The following CDH8 variants were observed in gnomAD, a reference collection of about 807,000 sequenced individuals.
The protein encoded by CDH8 is cadherin-8.
Under a neutral mutation model 68.1 loss-of-function variants are expected in CDH8, and 17 were observed. That is an observed-to-expected ratio of 0.25 (90% CI 0.17 to 0.37). The LOEUF (loss-of-function observed/expected upper bound fraction) is 0.37. CDH8 is among the 10% of genes least tolerant of loss of function. The probability of loss-of-function intolerance (pLI) is 1.00; values close to 1 mark genes in which losing one functional copy is unlikely to be tolerated. For missense variants in CDH8, 763 were observed against 999.3 expected (o/e 0.76, Z 3.19); for synonymous variants, 372 against 365.1 (o/e 1.02, Z -0.21).
At chr16:61,851,337 G>A (rs1404143372) in intron 4 of CDH8, among the ~76,000 whole-genome samples, 5 of 151,706 alleles carry the variant, frequency 3.3e-5, no homozygotes, top group African/African-American at 1.2e-4. Context: ...AAGAAAAATG[G>A]TCTGAGTTTC....
Position 61,653,335 on chromosome 16 carries a change from T to G in CDH8, c.*273A>C. 1 of 1,220,668 alleles carries G rather than the reference T, an allele frequency of 8.2e-7. No homozygotes were observed. The highest frequency in any genetic ancestry group is 1.6e-5 in the African/African-American group (1 of 64,092). 75.6% of individuals were successfully genotyped at this position (1,220,668 alleles called of 1,614,324 possible). ...CTAAGGATTAGCCAGGATCCCAATC[T>G]TTGTCTGTGGTGGTCAGGTAAATAT... On this transcript the variant is annotated 3_prime_UTR_variant, in exon 12 of 12. Transcript: ENST00000577390.
At chr16:61,901,598 C>G (rs1963974656) in intron 2 of CDH8, 125 bp from the exon 3 acceptor site, 2 of 649,780 alleles carry the variant, frequency 3.1e-6, no homozygotes, top group Admixed American at 5.7e-5. Context: ...CTAATAGTAG[C>G]TGTACAAAGT....
rs1337819399 is a variant in CDH8 at position 61,706,558 on chromosome 16, C to A, written c.1654+7283G>T. 1.4e-4 allele frequency among the ~76,000 whole-genome samples: 20 copies of A among 145,518 alleles called. 2 individuals carry two copies. In the South Asian group the frequency reaches 3.9e-3, roughly 28 times the overall value. On this transcript the variant is annotated intron_variant, in intron 10 of 11. Transcript: ENST00000577390. The stretch of plus-strand genomic sequence containing the variant: ...ATGGCGTGAACGCCGGAAGCGGAGC[C>A]TGCAGTGAGCCGAGATCGCGCCACC...
intron 8 of CDH8, among the ~76,000 whole-genome samples, chr16:61,728,036 A>C (rs764711144): frequency 5.5e-4 from 83 of 151,144 alleles, no homozygotes; most frequent in South Asian, 1.9e-3. Context: ...TTTGACTTTG[A>C]CTGTACCATG....
chr16:61,731,351 C>A (rs1168364556), intron 8 of CDH8, among the ~76,000 whole-genome samples: 1 of 151,652 alleles, frequency 6.6e-6, no homozygotes, highest in Non-Finnish European at 1.5e-5. Flanking sequence ...GGAATCATTT[C>A]TTTAACAGAG....
At chr16:61,813,616 C>A (rs1221320459) in intron 7 of CDH8, among the ~76,000 whole-genome samples, 2 of 152,022 alleles carry the variant, frequency 1.3e-5, no homozygotes, top group African/African-American at 2.4e-5. Context: ...GTGTCCTAGC[C>A]GGGAGGATTC....
chr16:61,835,535 A>G (rs1451139203), intron 4 of CDH8, among the ~76,000 whole-genome samples: 1 of 151,908 alleles, frequency 6.6e-6, no homozygotes, highest in Non-Finnish European at 1.5e-5. Context: ...CATTTCCAGT[A>G]CCAACATATG....
intron 10 of CDH8, among the ~76,000 whole-genome samples, chr16:61,671,507 A>G (rs1963794787): frequency 6.6e-6 from 1 of 152,020 alleles, no homozygotes; most frequent in African/African-American, 2.4e-5. Context: ...GTGGTATCCT[A>G]CAGTGAGCTA....
At chr16:61,922,300 T>C (rs1964382660) in intron 2 of CDH8, among the ~76,000 whole-genome samples, 2 of 152,176 alleles carry the variant, frequency 1.3e-5, no homozygotes, top group Non-Finnish European at 2.9e-5. Flanking sequence ...CATGCAAATT[T>C]TGTGTAAAAA....
intron 2 of CDH8, among the ~76,000 whole-genome samples, chr16:61,945,847 T>G (rs1406866288): frequency 1.3e-5 from 2 of 152,178 alleles, no homozygotes; most frequent in Non-Finnish European, 2.9e-5. Context: ...CACCGTGATT[T>G]TTTTGTTTTG....
chr16:61,691,791 T>A (rs1316156531), intron 10 of CDH8: 1 of 151,990 alleles, frequency 6.6e-6, no homozygotes, highest in Non-Finnish European at 1.5e-5. Flanking sequence ...GAAAATACAC[T>A]GAACAGCAGT....
At chr16:61,946,742 G>C (rs3784844) in intron 2 of CDH8, among the ~76,000 whole-genome samples, 50,615 of 151,954 alleles carry the variant, frequency 0.33, 8,926 homozygotes, top group African/African-American at 0.43. Context: ...AGGTGAAACA[G>C]GGTTACTCTG....
intron 10 of CDH8, among the ~76,000 whole-genome samples, chr16:61,657,704 A>C (rs1319563949): frequency 1.3e-5 from 2 of 152,124 alleles, no homozygotes; most frequent in Non-Finnish European, 2.9e-5. Flanking sequence ...AAAAGATAGA[A>C]TTTGTTCTTC....
intron 3 of CDH8, among the ~76,000 whole-genome samples, chr16:61,861,404 G>A (rs1166631641): frequency 6.6e-5 from 10 of 152,094 alleles, no homozygotes; most frequent in African/African-American, 2.4e-4. Context: ...ATGGAAGATA[G>A]GATATTTTCT....
intron 10 of CDH8, among the ~76,000 whole-genome samples, chr16:61,702,055 T>G (rs1485542357): frequency 6.6e-6 from 1 of 152,154 alleles, no homozygotes; most frequent in Non-Finnish European, 1.5e-5. Flanking sequence ...CAAGAGACAC[T>G]GTTGTCTTCC....
chr16:61,647,520 A>G lies in CDH8; in HGVS notation c.*6088T>C, dbSNP rs888962346. ...AAATTGTCATGTTCCATCTTAGAGC[A>G]TAATTGTTAAAATCTTCCTCTTATT... On this transcript the variant is annotated 3_prime_UTR_variant, in exon 12 of 12. Coordinates refer to ENST00000577390, the MANE Select transcript of CDH8 (RefSeq NM_001796.5). The G allele has an allele frequency of 2.6e-5, 10 of 378,138 alleles. No individual in the cohort carries two copies. In the Admixed American group the frequency reaches 2.7e-4, roughly 10 times the overall value. 23.4% of individuals were successfully genotyped at this position (378,138 alleles called of 1,614,324 possible). A position where few individuals can be genotyped will look rare whatever the true frequency, so the allele number is the denominator to read the frequency against.
At chr16:61,937,438 A>G (rs950780617) in intron 2 of CDH8, among the ~76,000 whole-genome samples, 6 of 152,172 alleles carry the variant, frequency 3.9e-5, no homozygotes, top group Admixed American at 1.3e-4. Context: ...ATACAATTCA[A>G]TTGAGAGATT....
chr16:61,879,745 A>G (rs2064456218), intron 3 of CDH8, among the ~76,000 whole-genome samples: 1 of 152,170 alleles, frequency 6.6e-6, no homozygotes. Context: ...GATGTCTGCC[A>G]TGCATCCAGC....
chr16:61,871,741 T>A (rs1963368043), intron 3 of CDH8, among the ~76,000 whole-genome samples: 1 of 133,116 alleles, frequency 7.5e-6, no homozygotes, highest in South Asian at 2.4e-4. Flanking sequence ...AGATGTGGGG[T>A]CTGTGGCCAG....
Sources: gnomAD v4.1 joint callset for allele counts (sites outside exome capture counted in the v4.1 genomes callset) on GRCh38, gnomAD v4.1.1 for gene constraint, MANE v1.5 for transcripts, NCBI Gene and HGNC (gene_info 2026-07-23, HGNC 2026-07-21) for gene names.